Variants in XRCC4 observed in about 807,000 individuals in gnomAD.
XRCC4 encodes X-ray repair cross complementing 4.
Under a neutral mutation model 39.1 loss-of-function variants are expected in XRCC4, and 28 were observed. The ratio of observed to expected loss-of-function variants is 0.72; its 90% CI spans 0.53 to 0.98. The LOEUF is 0.98. XRCC4 is among the 50% of genes least tolerant of loss of function. XRCC4 has a pLI of 0.00. For missense variants in XRCC4, 350 were observed against 376.4 expected, an observed-to-expected ratio of 0.93 and a Z score of 0.58; for synonymous variants, 123 against 126.4, an observed-to-expected ratio of 0.97 and a Z score of 0.18.
At chr5:83,228,496 T>A (rs947744728) in intron 6 of XRCC4, among the ~76,000 whole-genome samples, 1 of 152,062 alleles carries the variant, frequency 6.6e-6, no homozygotes, top group African/African-American at 2.4e-5. Context: ...ATTACTATTA[T>A]AAGTTCAGTA....
intron 3 of XRCC4, among the ~76,000 whole-genome samples, chr5:83,113,106 A>T (rs1746525995): frequency 6.6e-6 from 1 of 152,174 alleles, no homozygotes; most frequent in South Asian, 2.1e-4. Flanking sequence ...ATCATAAACA[A>T]GTTAGTTACT....
chr5:83,110,894 GTAGTA>G, intron 2 of XRCC4, 129 bp from the exon 3 acceptor site: 1 of 776,422 alleles, frequency 1.3e-6, no homozygotes, highest in Non-Finnish European at 1.9e-6. Context: ...TTAAAAATGT[GTAGTA>G]TAGGGATTGA....
intron 6 of XRCC4, among the ~76,000 whole-genome samples, chr5:83,224,977 CTTGT>C (rs1318678467): frequency 1.3e-5 from 2 of 152,076 alleles, no homozygotes; most frequent in Non-Finnish European, 1.5e-5. Flanking sequence ...GGAGATTTAT[CTTGT>C]TTATTTGTTT....
At chr5:83,192,211 A>ATATATG (rs913995159) in intron 3 of XRCC4, among the ~76,000 whole-genome samples, 2 of 146,344 alleles carry the variant, frequency 1.4e-5, no homozygotes, top group Admixed American at 6.9e-5. Context: ...CGTATATATT[A>ATATATG]TATATGTATA....
intron 7 of XRCC4, chr5:83,258,895 T>A (rs1020853354): frequency 7.5e-6 from 4 of 536,118 alleles, no homozygotes; most frequent in Admixed American, 4.1e-5. Flanking sequence ...AAGCAAAAAT[T>A]TTTTTCTCAT....
At chr5:83,274,496 C>G (rs1341752773) in intron 7 of XRCC4, among the ~76,000 whole-genome samples, 1 of 151,758 alleles carries the variant, frequency 6.6e-6, no homozygotes, top group Non-Finnish European at 1.5e-5. Flanking sequence ...TGGTGGGGAG[C>G]AAAACAGCTG....
intron 1 of XRCC4, among the ~76,000 whole-genome samples, chr5:83,098,723 A>C (rs573286540): frequency 6.6e-6 from 1 of 152,136 alleles, no homozygotes; most frequent in Non-Finnish European, 1.5e-5. Flanking sequence ...GCAAGTTGGC[A>C]GGCTATTAAT....
At chr5:83,185,855 T>C (rs1357164528) in intron 3 of XRCC4, among the ~76,000 whole-genome samples, 2 of 152,132 alleles carry the variant, frequency 1.3e-5, no homozygotes. Flanking sequence ...AATGAAAATA[T>C]AGATGAATAA....
chr5:83,231,417 A>G (rs1226736394), intron 6 of XRCC4, among the ~76,000 whole-genome samples: 4 of 152,104 alleles, frequency 2.6e-5, no homozygotes, highest in Non-Finnish European at 4.4e-5. Flanking sequence ...AGTGCTGTGC[A>G]CACAGTAGGA....
intron 3 of XRCC4, among the ~76,000 whole-genome samples, chr5:83,131,358 T>G (rs1202118498): frequency 6.6e-6 from 1 of 152,134 alleles, no homozygotes; most frequent in African/African-American, 2.4e-5. Flanking sequence ...ATTCTGTTGA[T>G]TTGGGGTGGA....
chr5:83,254,083 T>G (rs1384597340), intron 6 of XRCC4, among the ~76,000 whole-genome samples: 1 of 149,302 alleles, frequency 6.7e-6, no homozygotes, highest in Non-Finnish European at 1.5e-5. Context: ...CGTTTTTTGT[T>G]TTTTTTTTTT....
intron 7 of XRCC4, 147 bp from the exon 8 acceptor site, chr5:83,352,984 A>T: frequency 1.7e-6 from 1 of 581,360 alleles, no homozygotes; most frequent in Non-Finnish European, 2.9e-6. Context: ...CTCTTTCCTT[A>T]TAGTTAATAG....
At chr5:83,275,841 A>G (rs979892355) in intron 7 of XRCC4, among the ~76,000 whole-genome samples, 1 of 152,160 alleles carries the variant, frequency 6.6e-6, no homozygotes, top group Non-Finnish European at 1.5e-5. Context: ...GAAAGGGATT[A>G]TTGTAGTGTC....
chr5:83,125,932 G>C (rs146318069), intron 3 of XRCC4, among the ~76,000 whole-genome samples: 1 of 147,010 alleles, frequency 6.8e-6, no homozygotes, highest in East Asian at 2.0e-4. Flanking sequence ...GCAGTAAGCT[G>C]AGATTGTGCC....
At position 83,203,689 on chromosome 5, in the gene XRCC4, A is replaced by C. The variant is rs752327919; in HGVS notation, c.620A>C (p.Lys207Thr). ...KLLNAAQERE[K>T]DIKQEGETAI... ...TTAAATGCAGCTCAAGAACGAGAAA[A>C]GGACATCAAACAAGAAGGGTATTTT... is the stretch of plus-strand genomic sequence containing the variant. The change falls in exon 5 of 8, where the codon AAG becomes ACG. Residue 207 changes from lysine to threonine, a missense_variant. By Grantham distance (78) the Lys-to-Thr change is moderately conservative. Coordinates refer to ENST00000396027, the MANE Select transcript of XRCC4 (RefSeq NM_003401.5). 3 of 1,608,532 alleles carry C rather than the reference A, an allele frequency of 1.9e-6. No homozygotes were observed. Among genetic ancestry groups the C allele is most frequent in the Non-Finnish European group, 2.5e-6 (3 of 1,178,084 alleles).
chr5:83,203,434 A>C, intron 4 of XRCC4, 118 bp from the exon 5 acceptor site: 1 of 816,678 alleles, frequency 1.2e-6, no homozygotes, highest in South Asian at 2.5e-5. Flanking sequence ...CAGTGAAAGC[A>C]TATGTGAAAA....
At position 83,078,476 on chromosome 5, in the gene XRCC4, GAGAA is replaced by G. The variant is rs1159406290; in HGVS notation, c.-11+865_-11+868del. 3.9e-5 allele frequency among the ~76,000 whole-genome samples: 6 copies of G among 152,314 alleles called. No homozygotes were observed. In the East Asian group the frequency reaches 7.7e-4, roughly 20 times the overall value. ...TTTATGGACTTAGAAGGTGGATAGA[GAGAA>G]AGAGAGAAGGTAACTCACGTGAGAT... On this transcript the variant is annotated intron_variant, in intron 1 of 7. Transcript: ENST00000396027.
chr5:83,349,460 A>G (rs951652458), intron 7 of XRCC4, among the ~76,000 whole-genome samples: 1 of 152,220 alleles, frequency 6.6e-6, no homozygotes, highest in Non-Finnish European at 1.5e-5. Context: ...TTGACTTGCC[A>G]TAGATATAAA....
intron 3 of XRCC4, among the ~76,000 whole-genome samples, chr5:83,152,632 C>CAAA (rs59213558): frequency 1.8e-5 from 2 of 112,318 alleles, no homozygotes; most frequent in Admixed American, 2.0e-4. Flanking sequence ...GATCCTGTCT[C>CAAA]AAAAAAAAAA....
Sources: gnomAD v4.1 joint callset for allele counts (sites outside exome capture counted in the v4.1 genomes callset) on GRCh38, gnomAD v4.1.1 for gene constraint, MANE v1.5 for transcripts, NCBI Gene and HGNC (gene_info 2026-07-23, HGNC 2026-07-21) for gene names.